FAM163B: variants seen among roughly 807,000 people sequenced by gnomAD.
FAM163B encodes the protein family with sequence similarity 163 member B, also known as protein FAM163B.
A neutral mutation model predicts 7.6 loss-of-function variants in FAM163B; 4 were observed. The observed-to-expected ratio is 0.52, with a 90% CI of 0.26 to 1.20. The LOEUF (loss-of-function observed/expected upper bound fraction) is 1.20, where lower values mean the gene tolerates loss of function less well. FAM163B is among the 50% of genes most tolerant of loss of function. FAM163B has a pLI of 0.14. For missense variants in FAM163B, 250 were observed against 243.0 expected (o/e 1.03, Z -0.19); for synonymous variants, 120 against 111.6 (o/e 1.07, Z -0.47).
At chr9:133,583,167 A>C (rs1479441808) in intron 1 of FAM163B, among the ~76,000 whole-genome samples, 1 of 152,146 alleles carries the variant, frequency 6.6e-6, no homozygotes, top group Non-Finnish European at 1.5e-5. Context: ...GCAGGGATTA[A>C]AATTCAGCAC....
intron 1 of FAM163B, among the ~76,000 whole-genome samples, chr9:133,585,475 G>T (rs1470063238): frequency 6.6e-6 from 1 of 152,200 alleles, no homozygotes; most frequent in Non-Finnish European, 1.5e-5. Context: ...CCCAGCCCCA[G>T]CCCCCGCCAC....
chr9:133,593,815 A>G (rs1831591127), intron 1 of FAM163B, among the ~76,000 whole-genome samples: 2 of 152,174 alleles, frequency 1.3e-5, no homozygotes, highest in African/African-American at 4.8e-5. Context: ...CGAACCTCAG[A>G]CACTGCCCAG....
At position 133,606,523 on chromosome 9, in the gene FAM163B, G is replaced by A. The variant is rs1831791529; in HGVS notation, c.-24+2554C>T. ...TGGCATCCAAAAGCCTTTTGGCCAG[G>A]CTCACGGTTGCCCCGGTGTCCCATG... On this transcript the variant is annotated intron_variant, in intron 1 of 2. Transcript: ENST00000673969. The surrounding 1 kb of genome is among the most constrained non-coding windows in gnomAD (Gnocchi z 4.0). Among the ~76,000 whole-genome samples the A allele has an allele frequency of 1.3e-5, 2 of 152,234 alleles. No individual in the cohort carries two copies. The highest frequency in any genetic ancestry group is 4.8e-5 in the African/African-American group (2 of 41,464).
intron 1 of FAM163B, among the ~76,000 whole-genome samples, chr9:133,590,436 C>T (rs1407574855): frequency 2.0e-5 from 3 of 152,170 alleles, no homozygotes; most frequent in South Asian, 2.1e-4. Context: ...GGGGGCTCCC[C>T]GGTGCTTCAG....
intron 1 of FAM163B, among the ~76,000 whole-genome samples, chr9:133,592,305 C>A (rs1447646003): frequency 2.6e-5 from 4 of 152,162 alleles, no homozygotes; most frequent in South Asian, 4.1e-4. Flanking sequence ...GACTGCAACT[C>A]CAGGGAGCAG....
intron 1 of FAM163B, among the ~76,000 whole-genome samples, chr9:133,603,451 C>T (rs905866831): frequency 2.6e-5 from 4 of 152,144 alleles, no homozygotes; most frequent in Non-Finnish European, 5.9e-5. Context: ...GCCTACAGCA[C>T]GTGGGAAAAG....
intron 1 of FAM163B, 145 bp from the exon 2 acceptor site, chr9:133,580,391 CG>C: frequency 3.0e-6 from 2 of 668,538 alleles, no homozygotes; most frequent in Non-Finnish European, 5.2e-6. Context: ...CTGCCGGGGA[CG>C]GGGTGCAGCA....
intron 1 of FAM163B, among the ~76,000 whole-genome samples, chr9:133,583,287 A>G (rs2131220420): frequency 6.6e-6 from 1 of 152,160 alleles, no homozygotes; most frequent in Middle Eastern, 3.4e-3. Context: ...AGGGGCTCCC[A>G]CTGCTGTCAG....
intron 1 of FAM163B, among the ~76,000 whole-genome samples, chr9:133,584,637 CAG>C (rs1184463680): frequency 2.0e-5 from 3 of 152,222 alleles, no homozygotes; most frequent in Admixed American, 2.0e-4. Flanking sequence ...CCTGAGAGAA[CAG>C]GGGAGGACTT....
Position 133,579,482 on chromosome 9 carries a change from G to A in FAM163B, c.94-53C>T, listed in dbSNP as rs958908792. On this transcript the variant is annotated intron_variant, in intron 2 of 2. Coordinates refer to ENST00000673969, the MANE Select transcript of FAM163B (RefSeq NM_001080515.3). ...GGCCGCCCGCTCCCACCCCAGAACC[G>A]ACATGTGGGAAAGGCTACCCCTGAC... 47 of 1,502,556 alleles carry A rather than the reference G, an allele frequency of 3.1e-5. No homozygotes were observed. The African/African-American group carries it at 3.2e-4, about 10-fold the overall frequency. 93.1% of individuals were successfully genotyped at this position (1,502,556 alleles called of 1,614,324 possible).
chr9:133,601,607 G>A lies in FAM163B; in HGVS notation c.-24+7470C>T, dbSNP rs963234471. ...GCTACCCCCCGGACTGCTCCTACAC[G>A]CTGGCTTGCTTCCCATTTCTGGAAC... On this transcript the variant is annotated intron_variant, in intron 1 of 2. Transcript: ENST00000673969. The surrounding 1 kb of genome is among the most constrained non-coding windows in gnomAD (Gnocchi z 4.1). Among the ~76,000 whole-genome samples the A allele has an allele frequency of 5.3e-5, 8 of 152,186 alleles. No homozygotes were observed. Among genetic ancestry groups the A allele is most frequent in the African/African-American group, 1.7e-4 (7 of 41,438 alleles).
chr9:133,597,699 T>C (rs908008813), intron 1 of FAM163B, among the ~76,000 whole-genome samples: 10 of 151,970 alleles, frequency 6.6e-5, no homozygotes, highest in African/African-American at 2.4e-4. Flanking sequence ...ATCAAATTGC[T>C]TAAAACCAGC....
rs1186387143 is a variant in FAM163B at position 133,609,254 on chromosome 9, C to T, written c.-201G>A. Among the ~76,000 whole-genome samples, 1 of 150,790 alleles carries T rather than the reference C, an allele frequency of 6.6e-6. No individual in the cohort carries two copies. Among genetic ancestry groups the T allele is most frequent in the Non-Finnish European group, 1.5e-5 (1 of 67,510 alleles). On this transcript the variant is annotated 5_prime_UTR_variant, in exon 1 of 3. Coordinates refer to ENST00000673969, the MANE Select transcript of FAM163B (RefSeq NM_001080515.3). ...CGGGCGCTGAGAAGCCCGGGAGGCCCCCGGGGAGGCGACTGCGTGCCCAGG... is the reference window on the plus strand; with the variant it reads ...CGGGCGCTGAGAAGCCCGGGAGGCCTCCGGGGAGGCGACTGCGTGCCCAGG...
chr9:133,581,701 G>A (rs1426515581), intron 1 of FAM163B, among the ~76,000 whole-genome samples: 2 of 152,216 alleles, frequency 1.3e-5, no homozygotes, highest in Non-Finnish European at 2.9e-5. Flanking sequence ...CACTGGAGCT[G>A]GCCGGGATTC....
intron 1 of FAM163B, among the ~76,000 whole-genome samples, chr9:133,592,833 G>A (rs1324450764): frequency 6.6e-6 from 1 of 152,258 alleles, no homozygotes; most frequent in Non-Finnish European, 1.5e-5. Context: ...GATTCTGACC[G>A]ATGCTGCTGG....
At chr9:133,597,643 C>T (rs930868762) in intron 1 of FAM163B, among the ~76,000 whole-genome samples, 1 of 152,022 alleles carries the variant, frequency 6.6e-6, no homozygotes, top group Non-Finnish European at 1.5e-5. Context: ...CTCAACAAAC[C>T]ACAAACACAA....
chr9:133,602,475 T>C lies in FAM163B; in HGVS notation c.-24+6602A>G, dbSNP rs1374156179. ...CCTCCACCAATGCTAACCCCTCCTC[T>C]TCTGGCAGCTGGGCAATGATGAGCG... On this transcript the variant is annotated intron_variant, in intron 1 of 2. Coordinates refer to ENST00000673969, the MANE Select transcript of FAM163B (RefSeq NM_001080515.3). Among the ~76,000 whole-genome samples, 4 of 152,178 alleles carry C rather than the reference T, an allele frequency of 2.6e-5. No homozygotes were observed. The East Asian group carries it at 7.7e-4, about 29-fold the overall frequency.
intron 1 of FAM163B, among the ~76,000 whole-genome samples, chr9:133,584,275 C>A (rs1045339574): frequency 1.4e-4 from 21 of 152,188 alleles, no homozygotes; most frequent in African/African-American, 5.1e-4. Flanking sequence ...GGACTCTACT[C>A]AGCTGTGGCC....
Position 133,601,804 on chromosome 9 carries a change from C to T in FAM163B, c.-24+7273G>A, listed in dbSNP as rs545234125. ...ATCTGACCACCATGGCGTCAGGGCG[C>T]GTCTCAGAAGGCTTGACTAAAGCTG... On this transcript the variant is annotated intron_variant, in intron 1 of 2. Coordinates refer to ENST00000673969, the MANE Select transcript of FAM163B (RefSeq NM_001080515.3). This position sits in a 1 kb window ranked among gnomAD's most constrained non-coding sequence, Gnocchi z 4.1. Among the ~76,000 whole-genome samples, 4 of 152,324 alleles carry T rather than the reference C, an allele frequency of 2.6e-5. No individual in the cohort carries two copies. Among genetic ancestry groups the T allele is most frequent in the Admixed American group, 2.6e-4 (4 of 15,302 alleles).
Sources: allele counts gnomAD v4.1 joint callset (sites outside exome capture counted in the v4.1 genomes callset), GRCh38; gene constraint gnomAD v4.1.1; non-coding constraint Gnocchi (gnomAD v3.1); transcripts MANE v1.5; gene names NCBI Gene and HGNC (gene_info 2026-07-23, HGNC 2026-07-21).